The following AZIN2 variants were observed in gnomAD, a reference collection of about 807,000 sequenced individuals.
AZIN2 encodes the protein ODC antizyme inhibitor-2.
Under a neutral mutation model 47.8 loss-of-function variants are expected in AZIN2, and 28 were observed. The observed-to-expected ratio is 0.59, with a 90% CI of 0.43 to 0.80. The LOEUF is 0.80. Among genes scored for constraint, AZIN2 ranks in the 30% least tolerant of loss-of-function variants. The probability of loss-of-function intolerance (pLI) is 0.00; values close to 1 mark genes in which losing one functional copy is unlikely to be tolerated. For missense variants in AZIN2, 535 were observed against 582.5 expected (o/e 0.92, Z 0.84); for synonymous variants, 221 against 239.4 (o/e 0.92, Z 0.71).
At chr1:33,126,797 A>C (rs1205708392), downstream of AZIN2, among the ~76,000 whole-genome samples, 1 of 152,190 alleles carries the variant, frequency 6.6e-6, no homozygotes, top group African/African-American at 2.4e-5. Context: ...CATCCAGATA[A>C]ATTTGAATTC....
chr1:33,094,512 C>T (rs539192908), intron 7 of AZIN2, 36 bp from the exon 8 acceptor site: 2 of 1,591,132 alleles, frequency 1.3e-6, no homozygotes, highest in African/African-American at 1.3e-5. Context: ...CACTTGGAGC[C>T]CTGCATGTCA....
At position 33,093,269 on chromosome 1, in the gene AZIN2, C is replaced by T. The variant is rs754626365; in HGVS notation, c.453-13C>T. ...GGGTTTGTCCAGCAGAGGGGCACTG[C>T]GTGTCTCATCAGGATGGTTCTGTGC... On this transcript the variant is annotated splice_polypyrimidine_tract_variant and intron_variant, in intron 6 of 11. Coordinates refer to ENST00000294517, the MANE Select transcript of AZIN2 (RefSeq NM_052998.4). 2.2e-5 allele frequency: 35 copies of T among 1,613,326 alleles called. No individual in the cohort carries two copies. The highest frequency in any genetic ancestry group is 8.8e-5 in the South Asian group (8 of 91,024).
chr1:33,112,636 C>T (rs1293422191), intron 10 of AZIN2, among the ~76,000 whole-genome samples: 6 of 152,140 alleles, frequency 3.9e-5, no homozygotes, highest in African/African-American at 2.4e-5. Flanking sequence ...TTCAAAGATA[C>T]TGGAAATTTT....
the AZIN2 span, among the ~76,000 whole-genome samples, chr1:33,144,638 T>C: frequency 1.3e-5 from 2 of 152,344 alleles, no homozygotes; most frequent in African/African-American, 4.8e-5. Flanking sequence ...TTTAAAAGCT[T>C]GATATTTCTT....
chr1:33,094,493 A>C, intron 7 of AZIN2, 55 bp from the exon 8 acceptor site: 1 of 1,554,158 alleles, frequency 6.4e-7, no homozygotes, highest in East Asian at 2.3e-5. Context: ...GCTGGGGCTC[A>C]GGTGGTGGCA....
Position 33,113,124 on chromosome 1 carries a change from G to A in AZIN2, c.1030-4778G>A, listed in dbSNP as rs377648265. On this transcript the variant is annotated intron_variant, in intron 10 of 11. Coordinates refer to ENST00000294517, the MANE Select transcript of AZIN2 (RefSeq NM_052998.4). The surrounding 1 kb of genome is among the most constrained non-coding windows in gnomAD (Gnocchi z 4.1). ...CTCCCAAATACCTGGGACTACAGGCGCCCGCCACCATGCCTGGAGAGATGG... is the reference window on the plus strand; with the variant it reads ...CTCCCAAATACCTGGGACTACAGGCACCCGCCACCATGCCTGGAGAGATGG... Among the ~76,000 whole-genome samples the A allele has an allele frequency of 6.6e-6, 1 of 152,076 alleles. No homozygotes were observed. The highest frequency in any genetic ancestry group is 6.5e-5 in the Admixed American group (1 of 15,270).
At chr1:33,144,204 T>C in the AZIN2 span, among the ~76,000 whole-genome samples, 1 of 151,426 alleles carries the variant, frequency 6.6e-6, no homozygotes, top group Non-Finnish European at 1.5e-5. Context: ...TGGCGCGATC[T>C]CCAGCTCACC....
At chr1:33,096,363 TA>T (rs1643154400) in intron 8 of AZIN2, among the ~76,000 whole-genome samples, 1 of 152,160 alleles carries the variant, frequency 6.6e-6, no homozygotes, top group African/African-American at 2.4e-5. Flanking sequence ...CTGTGTTGTT[TA>T]AGGGTCAACT....
Position 33,113,285 on chromosome 1 carries a change from ATTG to A in AZIN2, c.1030-4614_1030-4612del, listed in dbSNP as rs1336485841. Among the ~76,000 whole-genome samples, 1 of 151,990 alleles carries A rather than the reference ATTG, an allele frequency of 6.6e-6. No homozygotes were observed. The highest frequency in any genetic ancestry group is 1.5e-5 in the Non-Finnish European group (1 of 68,004). On this transcript the variant is annotated intron_variant, in intron 10 of 11. Coordinates refer to ENST00000294517, the MANE Select transcript of AZIN2 (RefSeq NM_052998.4). This position sits in a 1 kb window ranked among gnomAD's most constrained non-coding sequence, Gnocchi z 4.1. Reference sequence around the variant, plus strand: ...GCCCAGCTGGTTTTATTATTTTTTTATTGTTTTATTTGAATAAGTATTACTGTG... The same window carrying A: ...GCCCAGCTGGTTTTATTATTTTTTTATTTTATTTGAATAAGTATTACTGTG...
At chr1:33,163,060 T>G in the AZIN2 span, 1 of 152,048 alleles carries the variant, frequency 6.6e-6, no homozygotes, top group Non-Finnish European at 1.5e-5. Context: ...TTTTTTGAGA[T>G]GGAGTCTCAC....
the AZIN2 span, chr1:33,147,069 G>T: frequency 1.6e-6 from 2 of 1,231,908 alleles, no homozygotes; most frequent in Admixed American, 4.4e-5. The surrounding 1 kb of genome is among the most constrained non-coding windows in gnomAD (Gnocchi z 8.1). Flanking sequence ...CAACTGGCCT[G>T]AGGTCTCCAG....
Position 33,120,418 on chromosome 1 carries a change from G to A in AZIN2, c.*236G>A, listed in dbSNP as rs1413099546. On this transcript the variant is annotated 3_prime_UTR_variant, in exon 12 of 12. Coordinates refer to ENST00000294517, the MANE Select transcript of AZIN2 (RefSeq NM_052998.4). ...CAGCTGTGTCTGCCTCCTCTGCAGT[G>A]CAAGGGGCCTGGTCAGCCAGGTGTG... is the stretch of plus-strand genomic sequence containing the variant. 4 of 558,578 alleles carry A rather than the reference G, an allele frequency of 7.2e-6. No homozygotes were observed. The highest frequency in any genetic ancestry group is 3.0e-5 in the South Asian group (1 of 33,520). 34.6% of individuals were successfully genotyped at this position (558,578 alleles called of 1,614,324 possible). A position where few individuals can be genotyped will look rare whatever the true frequency, so the allele number is the denominator to read the frequency against.
At position 33,081,945 on chromosome 1, in the gene AZIN2, C is replaced by T. The variant is rs534958878; in HGVS notation, c.-73+133C>T. On this transcript the variant is annotated intron_variant, in intron 3 of 11. Transcript: ENST00000294517. The surrounding 1 kb of genome is among the most constrained non-coding windows in gnomAD (Gnocchi z 4.2). Reference sequence around the variant, plus strand: ...ACTGGGAAGGCTCTCCAAAACAATTCATCCATTTTACAGAGGGAGCAACTG... The same window carrying T: ...ACTGGGAAGGCTCTCCAAAACAATTTATCCATTTTACAGAGGGAGCAACTG... 5.6e-5 allele frequency: 21 copies of T among 375,494 alleles called. No homozygotes were observed. The highest frequency in any genetic ancestry group is 4.4e-4 in the South Asian group (19 of 43,452). The allele number at this position is 375,494 out of a possible 1,614,324, so 23.3% of individuals were successfully genotyped here.
chr1:33,159,555 C>A, the AZIN2 span: 1 of 1,312,504 alleles, frequency 7.6e-7, no homozygotes, highest in Non-Finnish European at 1.0e-6. This position sits in a 1 kb window ranked among gnomAD's most constrained non-coding sequence, Gnocchi z 4.2. Context: ...TAGCAGATGT[C>A]CCGTAAATGT....
chr1:33,094,994 G>T (rs915248910), intron 8 of AZIN2, among the ~76,000 whole-genome samples: 1 of 152,182 alleles, frequency 6.6e-6, no homozygotes, highest in African/African-American at 2.4e-5. Flanking sequence ...TACATAAGTC[G>T]TAAGGCTCTT....
intron 10 of AZIN2, among the ~76,000 whole-genome samples, chr1:33,115,082 G>A (rs1251871364): frequency 1.3e-5 from 2 of 152,228 alleles, no homozygotes; most frequent in African/African-American, 4.8e-5. Flanking sequence ...GGTGCAGCCA[G>A]GAGGCTCCTT....
At chr1:33,135,161 G>A in the AZIN2 span, among the ~76,000 whole-genome samples, 6 of 152,114 alleles carry the variant, frequency 3.9e-5, no homozygotes, top group Non-Finnish European at 7.3e-5. Context: ...ATGGTGGCAC[G>A]TGCCTGTAAT....
rs1203437814 is a variant in AZIN2 at position 33,081,594 on chromosome 1, C to T, written c.-284-7C>T. On this transcript the variant is annotated splice_polypyrimidine_tract_variant and splice_region_variant and intron_variant, in intron 2 of 11. Transcript: ENST00000294517. This position sits in a 1 kb window ranked among gnomAD's most constrained non-coding sequence, Gnocchi z 4.2. ...AGAAAAAACCTCGGCCTTCCGTTCT[C>T]TCCCAGGAGCTTGCGGCCCCCACCC... 1 of 159,020 alleles carries T rather than the reference C, an allele frequency of 6.3e-6. No homozygotes were observed. Among genetic ancestry groups the T allele is most frequent in the African/African-American group, 2.4e-5 (1 of 41,472 alleles). 9.9% of individuals were successfully genotyped at this position (159,020 alleles called of 1,614,324 possible).
At chr1:33,141,881 A>G in the AZIN2 span, 1 of 158,812 alleles carries the variant, frequency 6.3e-6, no homozygotes, top group East Asian at 1.6e-4. Flanking sequence ...AGGTTTAAAA[A>G]TATATTCTTT....
Sources: gnomAD v4.1 joint callset for allele counts (sites outside exome capture counted in the v4.1 genomes callset) on GRCh38, gnomAD v4.1.1 for gene constraint, Gnocchi (gnomAD v3.1) non-coding constraint, MANE v1.5 for transcripts, NCBI Gene and HGNC (gene_info 2026-07-23, HGNC 2026-07-21) for gene names.